Variants in LONP1 observed in about 807,000 individuals in gnomAD.
LONP1 encodes lon peptidase 1, mitochondrial, also known as lon protease homolog, mitochondrial.
LONP1 carries 31 observed loss-of-function variants against 98.5 expected under a neutral mutation model. The observed-to-expected ratio is 0.31, with a 90% CI of 0.24 to 0.42. The LOEUF (loss-of-function observed/expected upper bound fraction) is 0.42. LONP1 is among the 20% of genes least tolerant of loss of function. The probability of loss-of-function intolerance (pLI) is 1.00; values close to 1 mark genes in which losing one functional copy is unlikely to be tolerated. For synonymous variants in LONP1, 781 were observed against 594.7 expected (o/e 1.31, Z -4.56); for missense variants, 1,336 against 1,350.6 (o/e 0.99, Z 0.17).
chr19:5,706,648 C>G (rs1419087697), intron 7 of LONP1, among the ~76,000 whole-genome samples: 1 of 152,058 alleles, frequency 6.6e-6, no homozygotes, highest in African/African-American at 2.4e-5. Flanking sequence ...GTGAGGTGAC[C>G]GGCCATCAGG....
chr19:5,698,343 T>A (rs186999287), intron 10 of LONP1, among the ~76,000 whole-genome samples: 1 of 152,270 alleles, frequency 6.6e-6, no homozygotes, highest in Admixed American at 6.5e-5. Flanking sequence ...AAACACGTGG[T>A]GGACTCAGCA....
At position 5,705,477 on chromosome 19, in the gene LONP1, A is replaced by AG. The variant is rs35149664; in HGVS notation, c.1367+294dup. Among the ~76,000 whole-genome samples, 3 of 144,002 alleles carry AG rather than the reference A, an allele frequency of 2.1e-5. No homozygotes were observed. The East Asian group carries it at 6.0e-4, about 29-fold the overall frequency. The allele number at this position is 144,002 out of a possible 152,430, so 94.5% of individuals were successfully genotyped here. The stretch of plus-strand genomic sequence containing the variant: ...CATTTCAAAAAAAAAAAAAAAAAAA[A>AG]GCAGCCCTGGCTTAGAGCCAGGCGT... On this transcript the variant is annotated intron_variant, in intron 8 of 17. Transcript: ENST00000360614.
chr19:5,700,652 C>T (rs900120971), intron 9 of LONP1, 137 bp downstream of exon 9: 14 of 1,231,896 alleles, frequency 1.1e-5, no homozygotes, highest in African/African-American at 1.1e-4. Flanking sequence ...CTACCTCCGC[C>T]GGGATCCCCC....
intron 6 of LONP1, 129 bp downstream of exon 6, chr19:5,707,568 C>T (rs936493980): frequency 1.6e-5 from 15 of 949,410 alleles, no homozygotes; most frequent in African/African-American, 1.1e-4. Context: ...GGATGGTGCA[C>T]GGTGGAGGGA....
At chr19:5,719,492 C>G (rs1167071213) in intron 1 of LONP1, among the ~76,000 whole-genome samples, 1 of 152,250 alleles carries the variant, frequency 6.6e-6, no homozygotes, top group African/African-American at 2.4e-5. Context: ...CAACTCCTCT[C>G]ATCTAACGGA....
At chr19:5,704,204 G>T (rs988957783) in intron 8 of LONP1, among the ~76,000 whole-genome samples, 7 of 152,222 alleles carry the variant, frequency 4.6e-5, no homozygotes, top group Non-Finnish European at 7.3e-5. Context: ...CGAGGGATGC[G>T]GGCGCCTCCA....
intron 17 of LONP1, 78 bp from the exon 18 acceptor site, chr19:5,692,286 G>C (rs772293822): frequency 7.1e-7 from 1 of 1,404,604 alleles, no homozygotes; most frequent in Non-Finnish European, 9.7e-7. Context: ...GAACGAAAGG[G>C]CTTCCTGGGG....
At chr19:5,700,113 AAAT>A (rs912351286) in intron 9 of LONP1, among the ~76,000 whole-genome samples, 20 of 151,702 alleles carry the variant, frequency 1.3e-4, no homozygotes, top group African/African-American at 4.6e-4. Flanking sequence ...TAATTAAAAA[AAAT>A]TTTTTTTCCT....
At chr19:5,713,075 G>T in intron 3 of LONP1, 59 bp downstream of exon 3, 1 of 1,610,008 alleles carries the variant, frequency 6.2e-7, no homozygotes. Context: ...AGGCATCCTG[G>T]CTGGTCTCCC....
At chr19:5,707,037 C>T in intron 7 of LONP1, 23 bp downstream of exon 7, 1 of 1,598,882 alleles carries the variant, frequency 6.3e-7, no homozygotes, top group South Asian at 1.1e-5. Flanking sequence ...CCAAGAGTGG[C>T]TGCGCCTCAG....
chr19:5,696,007 C>G (rs992538316), intron 13 of LONP1, 47 bp downstream of exon 13: 5 of 1,541,682 alleles, frequency 3.2e-6, no homozygotes, highest in Admixed American at 1.8e-5. Flanking sequence ...CTGGGGGGCG[C>G]CCCCTGCTCT....
At chr19:5,711,705 AG>A in intron 4 of LONP1, 65 bp downstream of exon 4, 1 of 1,366,142 alleles carries the variant, frequency 7.3e-7, no homozygotes, top group Non-Finnish European at 1.0e-6. Context: ...GAGAGGCCGC[AG>A]GAACGGCTCA....
chr19:5,706,027 C>G (rs770405719), intron 7 of LONP1, 35 bp from the exon 8 acceptor site: 5 of 1,530,514 alleles, frequency 3.3e-6, no homozygotes, highest in Non-Finnish European at 3.6e-6. Context: ...GGCCCTGGCT[C>G]CGGGAAGCTG....
At chr19:5,709,358 A>G (rs1400168367) in intron 4 of LONP1, among the ~76,000 whole-genome samples, 1 of 150,772 alleles carries the variant, frequency 6.6e-6, no homozygotes, top group African/African-American at 2.4e-5. Context: ...AAAATTAGCC[A>G]GGTACTTTGG....
chr19:5,696,162 G>C lies in LONP1; in HGVS notation c.1905C>G (p.Phe635Leu), dbSNP rs746046624. 6.2e-7 allele frequency: 1 copy of C among 1,612,910 alleles called. No homozygotes were observed. Among genetic ancestry groups the C allele is most frequent in the Non-Finnish European group, 8.5e-7 (1 of 1,179,864 alleles). ...DVPVDLSKVL[F>L]ICTANVTDTI... ...TGTCCGTGACGTTGGCCGTGCAGATGAACAGCACCTGGGGGCGGCGGCAAG... is the reference window on the plus strand; with the variant it reads ...TGTCCGTGACGTTGGCCGTGCAGATCAACAGCACCTGGGGGCGGCGGCAAG... Residue 635 changes from phenylalanine to leucine, a missense_variant, in exon 13 of 18, where the codon TTC becomes TTG. This residue lies in a region of LONP1 where 555 missense variants were observed against 542.6 expected (regional missense o/e 1.02). Transcript: ENST00000360614.
Position 5,707,653 on chromosome 19 carries a change from G to A in LONP1, c.1062+44C>T, listed in dbSNP as rs778802636. On this transcript the variant is annotated intron_variant, in intron 6 of 17. Coordinates refer to ENST00000360614, the MANE Select transcript of LONP1 (RefSeq NM_004793.4). ...CGTGGGCGGAGCATAGTGGAGGTGG[G>A]GTGCAGCCAGGCGTGGGGGGCTGTG... is the stretch of plus-strand genomic sequence containing the variant. 3 of 1,581,722 alleles carry A rather than the reference G, an allele frequency of 1.9e-6. No homozygotes were observed. In the South Asian group the frequency reaches 3.4e-5, roughly 18 times the overall value.
At position 5,708,281 on chromosome 19, in the gene LONP1, CAGCTGCAGAAAG is replaced by C. The variant is rs370247208; in HGVS notation, c.932+49_932+60del. On this transcript the variant is annotated intron_variant, in intron 5 of 17. Coordinates refer to ENST00000360614, the MANE Select transcript of LONP1 (RefSeq NM_004793.4). ...ACGCTGAGGAAGCCCCCTACCCACC[CAGCTGCAGAAAG>C]AGCTGCAGAGATGCCCCCGCCTGGC... The C allele has an allele frequency of 1.3e-4, 206 of 1,527,404 alleles. No homozygotes were observed. The East Asian group carries it at 1.7e-3, about 13-fold the overall frequency. The allele number at this position is 1,527,404 out of a possible 1,614,324, so 94.6% of individuals were successfully genotyped here. A position where few individuals can be genotyped will look rare whatever the true frequency, so the allele number is the denominator to read the frequency against.
At chr19:5,698,816 G>A (rs1397595928) in intron 10 of LONP1, among the ~76,000 whole-genome samples, 2 of 152,232 alleles carry the variant, frequency 1.3e-5, no homozygotes, top group African/African-American at 4.8e-5. Flanking sequence ...GTCAAGCCAT[G>A]GAGGTTCCTG....
intron 8 of LONP1, among the ~76,000 whole-genome samples, chr19:5,703,095 G>A (rs867220920): frequency 1.6e-4 from 24 of 151,714 alleles, no homozygotes; most frequent in Middle Eastern, 3.4e-3. Flanking sequence ...GCAGGAGAAT[G>A]GCATGAACCC....
Sources: allele counts gnomAD v4.1 joint callset (sites outside exome capture counted in the v4.1 genomes callset), GRCh38; gene constraint gnomAD v4.1.1; regional missense constraint gnomAD v4.1.1; transcripts MANE v1.5; gene names NCBI Gene and HGNC (gene_info 2026-07-23, HGNC 2026-07-21).